JMJD1C: variants seen among roughly 807,000 people sequenced by gnomAD.
JMJD1C encodes jumonji domain containing 1C, also known as jumonji domain-containing protein 1C.
A neutral mutation model predicts 245.3 loss-of-function variants in JMJD1C; 31 were observed. The ratio of observed to expected loss-of-function variants is 0.13; its 90% CI spans 0.09 to 0.17. JMJD1C has a LOEUF of 0.17. Among genes scored for constraint, JMJD1C ranks in the 10% least tolerant of loss-of-function variants. The pLI, the probability that JMJD1C is intolerant of heterozygous loss-of-function variation, is 1.00. For missense variants in JMJD1C, 2,691 were observed against 3,000.2 expected (o/e 0.90, Z 2.41); for synonymous variants, 1,057 against 1,017.4 (o/e 1.04, Z -0.74).
At chr10:63,427,900 A>T (rs1950533523) in intron 1 of JMJD1C, 1 of 741,594 alleles carries the variant, frequency 1.3e-6, no homozygotes, top group South Asian at 1.5e-5. Context: ...GAAGGCAAGG[A>T]CCTCACCAGC....
chr10:63,209,529 T>C (rs183791624), intron 8 of JMJD1C, among the ~76,000 whole-genome samples: 1 of 152,288 alleles, frequency 6.6e-6, no homozygotes, highest in African/African-American at 2.4e-5. Flanking sequence ...AAATGCCATA[T>C]ACAGAACCTA....
At chr10:63,282,673 A>G (rs1857542442) in intron 2 of JMJD1C, among the ~76,000 whole-genome samples, 1 of 152,196 alleles carries the variant, frequency 6.6e-6, no homozygotes, top group South Asian at 2.1e-4. Context: ...GGTCAATAAA[A>G]TTTCGATAAC....
chr10:63,484,697 T>A (rs1336315907), intron 1 of JMJD1C, among the ~76,000 whole-genome samples: 1 of 151,654 alleles, frequency 6.6e-6, no homozygotes, highest in Admixed American at 6.6e-5. Context: ...TTAAAAAAAA[T>A]TGGCACTATC....
chr10:63,225,810 G>T (rs1849201255), intron 3 of JMJD1C, among the ~76,000 whole-genome samples: 1 of 151,722 alleles, frequency 6.6e-6, no homozygotes, highest in Admixed American at 6.6e-5. Context: ...ACCTAAAGGT[G>T]CATTTACTAT....
At chr10:63,371,418 G>A (rs895689599) in intron 2 of JMJD1C, among the ~76,000 whole-genome samples, 1 of 152,012 alleles carries the variant, frequency 6.6e-6, no homozygotes, top group Non-Finnish European at 1.5e-5. Flanking sequence ...TAATTTAACA[G>A]CATTCACAAA....
chr10:63,251,136 A>T (rs925811437), intron 3 of JMJD1C, among the ~76,000 whole-genome samples: 5 of 152,158 alleles, frequency 3.3e-5, no homozygotes, highest in African/African-American at 9.7e-5. Flanking sequence ...CTTTACATAT[A>T]CAAAGAGATC....
rs1366285918 is a variant in JMJD1C at position 63,295,951 on chromosome 10, ACACG to A, written c.334-31191_334-31188del. Among the ~76,000 whole-genome samples the A allele has an allele frequency of 7.6e-3, 953 of 124,590 alleles. 14 individuals carry two copies. The highest frequency in any genetic ancestry group is 9.4e-3 in the African/African-American group (295 of 31,356). The allele number at this position is 124,590 out of a possible 152,430, so 81.7% of individuals were successfully genotyped here. The stretch of plus-strand genomic sequence containing the variant: ...TACATGTGTATACATATATATATAT[ACACG>A]TATATGTGTGTGTGTGTGTGTGTGT... On this transcript the variant is annotated intron_variant, in intron 2 of 25. Coordinates refer to ENST00000399262, the MANE Select transcript of JMJD1C (RefSeq NM_032776.3).
At chr10:63,493,808 T>C (rs1022451711) in intron 1 of JMJD1C, among the ~76,000 whole-genome samples, 5 of 152,112 alleles carry the variant, frequency 3.3e-5, no homozygotes, top group African/African-American at 7.2e-5. Context: ...AATAAACTCA[T>C]ATAAAGTTAG....
At chr10:63,257,141 G>A (rs900771037) in intron 3 of JMJD1C, among the ~76,000 whole-genome samples, 64 of 149,926 alleles carry the variant, frequency 4.3e-4, no homozygotes, top group African/African-American at 1.5e-3. Context: ...GGAGGCTGAT[G>A]TGGGAGAATC....
At chr10:63,457,578 G>A (rs1419100863) in intron 1 of JMJD1C, among the ~76,000 whole-genome samples, 1 of 152,132 alleles carries the variant, frequency 6.6e-6, no homozygotes, top group Non-Finnish European at 1.5e-5. Flanking sequence ...AAATTAAGAA[G>A]ATGAAAGGAA....
At chr10:63,276,666 G>C (rs1190048324) in intron 2 of JMJD1C, among the ~76,000 whole-genome samples, 1 of 151,876 alleles carries the variant, frequency 6.6e-6, no homozygotes, top group African/African-American at 2.4e-5. Flanking sequence ...ACAGGGATTC[G>C]CCATATTGGC....
chr10:63,236,196 C>G (rs1171318861), intron 3 of JMJD1C, among the ~76,000 whole-genome samples: 1 of 152,128 alleles, frequency 6.6e-6, no homozygotes, highest in Non-Finnish European at 1.5e-5. Context: ...AAAATAACTA[C>G]TAATAGGGTT....
intron 16 of JMJD1C, among the ~76,000 whole-genome samples, chr10:63,192,353 C>T (rs1202883350): frequency 2.6e-5 from 4 of 151,600 alleles, no homozygotes; most frequent in East Asian, 1.9e-4. Flanking sequence ...ATGGATTACC[C>T]GAAGTCAGGA....
At chr10:63,416,466 T>G (rs1408745259) in intron 1 of JMJD1C, among the ~76,000 whole-genome samples, 1 of 152,046 alleles carries the variant, frequency 6.6e-6, no homozygotes, top group Non-Finnish European at 1.5e-5. Flanking sequence ...AGAGAGCATG[T>G]GATATTATAA....
At chr10:63,219,853 T>TA in intron 4 of JMJD1C, 25 bp downstream of exon 4, 1 of 1,561,292 alleles carries the variant, frequency 6.4e-7, no homozygotes, top group South Asian at 1.1e-5. Flanking sequence ...CAAAAAAATT[T>TA]AATGCATAAC....
At chr10:63,206,094 G>A (rs546317345) in intron 10 of JMJD1C, among the ~76,000 whole-genome samples, 17 of 152,250 alleles carry the variant, frequency 1.1e-4, no homozygotes, top group Admixed American at 3.3e-4. Context: ...CCGTGGGGGC[G>A]TCCTGGAACC....
intron 1 of JMJD1C, among the ~76,000 whole-genome samples, chr10:63,449,651 T>A (rs1259069162): frequency 6.6e-6 from 1 of 152,098 alleles, no homozygotes; most frequent in East Asian, 1.9e-4. Flanking sequence ...TGTCTAAGAA[T>A]AAGCCTAACA....
intron 2 of JMJD1C, among the ~76,000 whole-genome samples, chr10:63,332,809 G>C (rs1942303316): frequency 1.3e-5 from 2 of 152,286 alleles, no homozygotes; most frequent in African/African-American, 4.8e-5. Flanking sequence ...ACACATATTT[G>C]ATTTTTCAAC....
chr10:63,276,465 CA>C (rs551525973), intron 2 of JMJD1C, among the ~76,000 whole-genome samples: 49,425 of 93,638 alleles, frequency 0.53, 9,276 homozygotes, highest in East Asian at 0.59. Context: ...GATTCCGTCT[CA>C]AAAAAAAAAA....
Sources: gnomAD v4.1 joint callset for allele counts (sites outside exome capture counted in the v4.1 genomes callset) on GRCh38, gnomAD v4.1.1 for gene constraint, MANE v1.5 for transcripts, NCBI Gene and HGNC (gene_info 2026-07-23, HGNC 2026-07-21) for gene names.